LCLAT1: variants seen among roughly 807,000 people sequenced by gnomAD.
LCLAT1 encodes the protein 1-AGP acyltransferase 8.
LCLAT1 carries 11 observed loss-of-function variants against 30.7 expected under a neutral mutation model. That is an observed-to-expected ratio of 0.36 (90% CI 0.23 to 0.59). The LOEUF is 0.59. Ranked by LOEUF, LCLAT1 falls within the 20% of genes least tolerant of loss-of-function variation. The pLI is 0.77. For missense variants in LCLAT1, 402 were observed against 458.6 expected (o/e 0.88, Z 1.13); for synonymous variants, 155 against 151.3 (o/e 1.02, Z -0.18).
chr2:30,633,733 A>G (rs1212941917), intron 5 of LCLAT1, among the ~76,000 whole-genome samples: 2 of 152,200 alleles, frequency 1.3e-5, no homozygotes, highest in East Asian at 1.9e-4. Flanking sequence ...TAGTCTGCAT[A>G]TATTTGATTG....
intron 3 of LCLAT1, among the ~76,000 whole-genome samples, chr2:30,547,267 A>G (rs897486099): frequency 6.6e-6 from 1 of 152,192 alleles, no homozygotes; most frequent in Non-Finnish European, 1.5e-5. Context: ...TGTCACAGCA[A>G]ACTTTCTGAT....
At chr2:30,466,931 A>G (rs530040906) in intron 1 of LCLAT1, among the ~76,000 whole-genome samples, 37 of 152,132 alleles carry the variant, frequency 2.4e-4, no homozygotes, top group African/African-American at 8.9e-4. Context: ...GCCCTGCAAA[A>G]TTTATTTTTT....
chr2:30,525,776 G>A (rs373975327), intron 2 of LCLAT1, 21 bp downstream of exon 2: 2 of 1,612,608 alleles, frequency 1.2e-6, no homozygotes, highest in Non-Finnish European at 8.5e-7. Context: ...CACCAGAGGA[G>A]ACTGTCTGCT....
chr2:30,524,383 T>A (rs923616900), intron 1 of LCLAT1, among the ~76,000 whole-genome samples: 1 of 152,232 alleles, frequency 6.6e-6, no homozygotes, highest in African/African-American at 2.4e-5. Context: ...TTCTGGATTT[T>A]AAAAAATTTC....
chr2:30,558,827 C>G (rs1038538702), intron 3 of LCLAT1, among the ~76,000 whole-genome samples: 1 of 152,064 alleles, frequency 6.6e-6, no homozygotes, highest in Non-Finnish European at 1.5e-5. Context: ...AGACATAAAC[C>G]CTATGAGGCA....
chr2:30,614,767 C>A (rs942673323), intron 5 of LCLAT1, among the ~76,000 whole-genome samples: 12 of 152,036 alleles, frequency 7.9e-5, no homozygotes, highest in African/African-American at 2.7e-4. Context: ...TGAAAGAGAT[C>A]ACCTAAGGAA....
At chr2:30,484,510 C>T (rs1431246422) in intron 1 of LCLAT1, among the ~76,000 whole-genome samples, 1 of 152,078 alleles carries the variant, frequency 6.6e-6, no homozygotes, top group Non-Finnish European at 1.5e-5. Flanking sequence ...AACTTCCTGG[C>T]TTTGCGTTTA....
Position 30,640,904 on chromosome 2 carries a change from A to G in LCLAT1, c.*285A>G, listed in dbSNP as rs1669271340. 1 of 324,020 alleles carries G rather than the reference A, an allele frequency of 3.1e-6. No homozygotes were observed. Among genetic ancestry groups the G allele is most frequent in the African/African-American group, 2.2e-5 (1 of 45,062 alleles). 20.1% of individuals were successfully genotyped at this position (324,020 alleles called of 1,614,324 possible). Reference sequence around the variant, plus strand: ...CATCAGGCTTTTAGCGACAAGGAACACACACATTTTTCTTAAAGGCCCAAT... The same window carrying G: ...CATCAGGCTTTTAGCGACAAGGAACGCACACATTTTTCTTAAAGGCCCAAT... On this transcript the variant is annotated 3_prime_UTR_variant, in exon 6 of 6. Coordinates refer to ENST00000379509, the MANE Select transcript of LCLAT1 (RefSeq NM_001002257.3).
chr2:30,476,402 C>T (rs1683042388), intron 1 of LCLAT1: 3 of 456,636 alleles, frequency 6.6e-6, no homozygotes, highest in South Asian at 1.5e-5. Flanking sequence ...GTCTTTACAG[C>T]CACTCCACAT....
chr2:30,484,597 T>A (rs1192560439), intron 1 of LCLAT1, among the ~76,000 whole-genome samples: 3 of 152,184 alleles, frequency 2.0e-5, no homozygotes, highest in Admixed American at 2.0e-4. Flanking sequence ...TTGTGCAGAA[T>A]AAAATCTCTA....
chr2:30,568,264 T>C (rs1665594767), intron 5 of LCLAT1, 88 bp downstream of exon 5: 1 of 596,210 alleles, frequency 1.7e-6, no homozygotes. Flanking sequence ...TTGTAAAGGA[T>C]TTTTTACTAC....
chr2:30,545,498 T>C (rs1664359025), intron 3 of LCLAT1, among the ~76,000 whole-genome samples: 1 of 152,148 alleles, frequency 6.6e-6, no homozygotes, highest in Admixed American at 6.6e-5. Context: ...AAAGTTCTTT[T>C]CTTAAAGTAT....
chr2:30,556,949 G>A (rs1330904338), intron 3 of LCLAT1, among the ~76,000 whole-genome samples: 1 of 151,962 alleles, frequency 6.6e-6, no homozygotes, highest in Non-Finnish European at 1.5e-5. Context: ...TCTCCATATT[G>A]TTCAGGCTGG....
intron 1 of LCLAT1, among the ~76,000 whole-genome samples, chr2:30,475,991 G>C (rs829643): frequency 0.095 from 14,442 of 152,114 alleles, 731 homozygotes; most frequent in East Asian, 0.12. Flanking sequence ...CATGGTTCTA[G>C]CTTCCATATA....
At chr2:30,561,554 G>C (rs140554680) in intron 3 of LCLAT1, among the ~76,000 whole-genome samples, 15 of 152,104 alleles carry the variant, frequency 9.9e-5, no homozygotes, top group African/African-American at 1.4e-4. Flanking sequence ...AGGGTGATTT[G>C]CCCTAGAGAA....
At chr2:30,474,854 G>T (rs1251533560) in intron 1 of LCLAT1, among the ~76,000 whole-genome samples, 1 of 151,878 alleles carries the variant, frequency 6.6e-6, no homozygotes, top group East Asian at 1.9e-4. Context: ...GTCTCATTTT[G>T]TTGCCTAGGC....
At chr2:30,481,850 T>A (rs1311867270) in intron 1 of LCLAT1, among the ~76,000 whole-genome samples, 2 of 152,208 alleles carry the variant, frequency 1.3e-5, no homozygotes, top group Non-Finnish European at 2.9e-5. Flanking sequence ...AAAAACCCAT[T>A]CAGTAAGCCT....
chr2:30,501,442 G>A (rs1028464861), intron 1 of LCLAT1, among the ~76,000 whole-genome samples: 1 of 152,060 alleles, frequency 6.6e-6, no homozygotes, highest in Non-Finnish European at 1.5e-5. Context: ...TGAGCAGTTT[G>A]TGTTTTAAAG....
chr2:30,505,321 G>A (rs1228337361), intron 1 of LCLAT1, among the ~76,000 whole-genome samples: 1 of 129,852 alleles, frequency 7.7e-6, no homozygotes, highest in Non-Finnish European at 1.6e-5. Flanking sequence ...GAATATCAGG[G>A]GCAAAACTTT....
Sources: gnomAD v4.1 joint callset for allele counts (sites outside exome capture counted in the v4.1 genomes callset) on GRCh38, gnomAD v4.1.1 for gene constraint, MANE v1.5 for transcripts, NCBI Gene and HGNC (gene_info 2026-07-23, HGNC 2026-07-21) for gene names.